RASGRP2: variants seen among roughly 807,000 people sequenced by gnomAD.
RASGRP2 encodes RAS guanyl-releasing protein 2.
RASGRP2 carries 44 observed loss-of-function variants against 71.0 expected under a neutral mutation model. That is an observed-to-expected ratio of 0.62 (90% CI 0.49 to 0.80). The LOEUF (loss-of-function observed/expected upper bound fraction) is 0.80. Among genes scored for constraint, RASGRP2 ranks in the 30% least tolerant of loss-of-function variants. The pLI is 0.00. For synonymous variants in RASGRP2, 350 were observed against 330.7 expected (o/e 1.06, Z -0.63); for missense variants, 663 against 813.4 (o/e 0.82, Z 2.25).
At chr11:64,745,099 G>A (rs2058262429), upstream of RASGRP2, 1 of 151,936 alleles carries the variant, frequency 6.6e-6, no homozygotes, top group Admixed American at 6.5e-5. Context: ...CCCGCCGCCC[G>A]GGACGCGGAG....
chr11:64,744,390 T>C, upstream of RASGRP2: 3 of 897,962 alleles, frequency 3.3e-6, no homozygotes, highest in Non-Finnish European at 4.0e-6. Context: ...GGACTTTTCC[T>C]AAGAGCCACC....
At chr11:64,730,222 C>T in intron 12 of RASGRP2, 28 bp from the exon 13 acceptor site, 1 of 1,551,436 alleles carries the variant, frequency 6.4e-7, no homozygotes, top group Non-Finnish European at 8.7e-7. Context: ...GGCGCTTCAG[C>T]TCGGGCCCTC....
rs956333489 is a variant in RASGRP2 at position 64,741,168 on chromosome 11, A to G, written c.240-89T>C. 3.3e-6 allele frequency: 5 copies of G among 1,500,328 alleles called. No homozygotes were observed. The African/African-American group carries it at 6.9e-5, about 21-fold the overall frequency. 92.9% of individuals were successfully genotyped at this position (1,500,328 alleles called of 1,614,324 possible). The stretch of plus-strand genomic sequence containing the variant: ...AGCTATTTGAGATTATAGTCACCTA[A>G]GCAAAAAGACCCTCAAACTATGGTT... On this transcript the variant is annotated intron_variant, in intron 4 of 16. Coordinates refer to ENST00000394432, the MANE Select transcript of RASGRP2 (RefSeq NM_001098671.2).
Position 64,735,401 on chromosome 11 carries a change from C to T in RASGRP2, c.1296+141G>A, listed in dbSNP as rs750349320. 5.3e-6 allele frequency: 8 copies of T among 1,500,318 alleles called. No homozygotes were observed. The East Asian group carries it at 9.0e-5, about 17-fold the overall frequency. 92.9% of individuals were successfully genotyped at this position (1,500,318 alleles called of 1,614,324 possible). On this transcript the variant is annotated intron_variant, in intron 11 of 16. Transcript: ENST00000394432. The surrounding 1 kb of genome is among the most constrained non-coding windows in gnomAD (Gnocchi z 4.2). ...ACCCTACCCAGGGGCACTTCAGCCC[C>T]GTGCAGCTGGCCTGCCAGGCCCTGT...
At position 64,730,127 on chromosome 11, in the gene RASGRP2, G is replaced by T; in HGVS notation, c.1480C>A (p.Arg494Ser). ...FLRSSSVLGG[R>S]MGFVHNFQES... ...TGGAAGTTGTGTACGAAGCCCATGC[G>T]CCCCCCCAACACAGAGCTGGAGCGC... is the stretch of plus-strand genomic sequence containing the variant. Residue 494 changes from arginine (R) to serine (S), a missense_variant, in exon 13 of 17, where the codon CGC (arginine) becomes AGC (serine). Coordinates refer to ENST00000394432, the MANE Select transcript of RASGRP2 (RefSeq NM_001098671.2). 1 of 1,550,992 alleles carries T rather than the reference G, an allele frequency of 6.4e-7. No homozygotes were observed. The highest frequency in any genetic ancestry group is 8.7e-7 in the Non-Finnish European group (1 of 1,146,968).
Position 64,742,180 on chromosome 11 carries a change from C to A in RASGRP2, c.74-68G>T. The A allele has an allele frequency of 8.0e-7, 1 of 1,245,788 alleles. No individual in the cohort carries two copies. The highest frequency in any genetic ancestry group is 1.2e-6 in the Non-Finnish European group (1 of 868,998). The allele number at this position is 1,245,788 out of a possible 1,614,324, so 77.2% of individuals were successfully genotyped here. A position where few individuals can be genotyped will look rare whatever the true frequency, so the allele number is the denominator to read the frequency against. ...CAGCTACCATGCCTCATCCTCACCC[C>A]GCAACCCGCCAGGTATCGGTCCTTC... On this transcript the variant is annotated intron_variant, in intron 2 of 16. Transcript: ENST00000394432. The surrounding 1 kb of genome is among the most constrained non-coding windows in gnomAD (Gnocchi z 4.7).
chr11:64,743,162 G>GC lies in RASGRP2; in HGVS notation c.-71-226dup, dbSNP rs1565523807. 1.6e-6 allele frequency: 1 copy of GC among 616,798 alleles called. No individual in the cohort carries two copies. Among genetic ancestry groups the GC allele is most frequent in the Non-Finnish European group, 3.0e-6 (1 of 331,214 alleles). The allele number at this position is 616,798 out of a possible 1,614,324, so 38.2% of individuals were successfully genotyped here. On this transcript the variant is annotated intron_variant, in intron 1 of 16. Transcript: ENST00000394432. The surrounding 1 kb of genome is among the most constrained non-coding windows in gnomAD (Gnocchi z 4.9). ...GGCCCACCCTCGGAGTCGCGGGAAG[G>GC]CCGAGGGGCTTCACGAGGATGGGGA...
chr11:64,740,724 C>T (rs1334946588), intron 5 of RASGRP2: 2 of 682,124 alleles, frequency 2.9e-6, no homozygotes, highest in African/African-American at 1.8e-5. Flanking sequence ...CGACCCAGCG[C>T]AGCTACAGGA....
intron 14 of RASGRP2, among the ~76,000 whole-genome samples, chr11:64,729,525 CG>C (rs1448843947): frequency 1.9e-4 from 29 of 151,880 alleles, no homozygotes; most frequent in Admixed American, 1.8e-3. Context: ...TTAGTAGAGG[CG>C]GGGTTGCGCT....
intron 16 of RASGRP2, 76 bp downstream of exon 16, chr11:64,727,220 C>G (rs1330136120): frequency 4.4e-6 from 6 of 1,349,038 alleles, no homozygotes; most frequent in African/African-American, 1.4e-5. Flanking sequence ...GGATAAAGCA[C>G]CCATTTCCCT....
In RASGRP2 at chr11:64,727,249, C is replaced by T. The variant is rs780958060; in HGVS notation, c.*6+47G>A. 4.2e-5 allele frequency: 65 copies of T among 1,545,974 alleles called. No homozygotes were observed. In the African/African-American group the frequency reaches 7.1e-4, roughly 17 times the overall value. ...TTTCCCTGATACTCCCCAGCTCCCC[C>T]CCAGCCCTCAGTGGGGAGCTCTGGT... On this transcript the variant is annotated intron_variant, in intron 16 of 16. Coordinates refer to ENST00000394432, the MANE Select transcript of RASGRP2 (RefSeq NM_001098671.2).
chr11:64,729,990 G>A, intron 13 of RASGRP2, 63 bp downstream of exon 13: 3 of 1,532,322 alleles, frequency 2.0e-6, no homozygotes, highest in Non-Finnish European at 2.6e-6. Context: ...GGGCCAGAAG[G>A]GAGGGCGGGG....
At position 64,735,206 on chromosome 11, in the gene RASGRP2, C is replaced by T. The variant is rs757489122; in HGVS notation, c.1318G>A (p.Val440Ile). The T allele has an allele frequency of 6.2e-6, 10 of 1,614,044 alleles. No individual in the cohort carries two copies. In the South Asian group the frequency reaches 6.6e-5, roughly 11 times the overall value. ...TGTGAGATGTGGCCATCCCCATCGA[C>T]GTCAAAGTTCCGGAACACAGACTGG... Reference protein sequence around the residue: ...MVESVFRNFDVDGDGHISQEE... With the variant: ...MVESVFRNFDIDGDGHISQEE... The change falls in exon 12 of 17, where the codon GTC (valine) becomes ATC (isoleucine). Residue 440 changes from valine to isoleucine, a missense_variant. Physicochemically the swap from Val to Ile is conservative, Grantham distance 29. Transcript: ENST00000394432. The surrounding 1 kb of genome is among the most constrained non-coding windows in gnomAD (Gnocchi z 4.2).
In RASGRP2 at chr11:64,743,978, C is replaced by A; in HGVS notation, c.-72+25G>T. ...CACCCACACCCTGTGCACACCTGCA[C>A]GAAGAAACCCTCAGGCACACATACC... On this transcript the variant is annotated intron_variant, in intron 1 of 16. Transcript: ENST00000394432. The surrounding 1 kb of genome is among the most constrained non-coding windows in gnomAD (Gnocchi z 4.9). 1.0e-6 allele frequency: 1 copy of A among 989,248 alleles called. No individual in the cohort carries two copies. Among genetic ancestry groups the A allele is most frequent in the Non-Finnish European group, 1.2e-6 (1 of 831,418 alleles). 61.3% of individuals were successfully genotyped at this position (989,248 alleles called of 1,614,324 possible).
chr11:64,732,529 C>T lies in RASGRP2; in HGVS notation c.1413-2335G>A, dbSNP rs1225527290. 2.0e-5 allele frequency among the ~76,000 whole-genome samples: 3 copies of T among 152,226 alleles called. No homozygotes were observed. The South Asian group carries it at 6.2e-4, about 31-fold the overall frequency. ...CAAAATTAGGCTGGGTGAGGTGGCT[C>T]ACGCCTGTAATCCCAGCACTTTGGG... On this transcript the variant is annotated intron_variant, in intron 12 of 16. Transcript: ENST00000394432.
At chr11:64,734,883 C>T (rs890375648) in intron 12 of RASGRP2, among the ~76,000 whole-genome samples, 1 of 152,202 alleles carries the variant, frequency 6.6e-6, no homozygotes, top group East Asian at 1.9e-4. Context: ...ACAGTCTTTG[C>T]AAGACTCAGG....
intron 9 of RASGRP2, 76 bp downstream of exon 9, chr11:64,736,677 C>G: frequency 6.7e-7 from 1 of 1,483,228 alleles, no homozygotes; most frequent in Non-Finnish European, 9.1e-7. Context: ...CCCCAGGCCA[C>G]GCCCACAGCC....
chr11:64,733,061 G>A (rs2057812764), intron 12 of RASGRP2, among the ~76,000 whole-genome samples: 1 of 150,954 alleles, frequency 6.6e-6, no homozygotes, highest in Non-Finnish European at 1.5e-5. Flanking sequence ...GGAGGCAGAG[G>A]TTGCAGTGAG....
At position 64,742,425 on chromosome 11, in the gene RASGRP2, G is replaced by T. The variant is rs1360880248; in HGVS notation, c.74-313C>A. The T allele has an allele frequency of 3.6e-6, 2 of 562,078 alleles. No homozygotes were observed. Among genetic ancestry groups the T allele is most frequent in the Non-Finnish European group, 6.4e-6 (2 of 312,528 alleles). The allele number at this position is 562,078 out of a possible 1,614,324, so 34.8% of individuals were successfully genotyped here. On this transcript the variant is annotated intron_variant, in intron 2 of 16. Transcript: ENST00000394432. This position sits in a 1 kb window ranked among gnomAD's most constrained non-coding sequence, Gnocchi z 4.7. Reference sequence around the variant, plus strand: ...TCCAGAGGTCATTTCCTGAGCGCTTGGGGGGAAGGGGCACCCCTTCACCAG... The same window carrying T: ...TCCAGAGGTCATTTCCTGAGCGCTTTGGGGGAAGGGGCACCCCTTCACCAG...
Sources: allele counts gnomAD v4.1 joint callset (sites outside exome capture counted in the v4.1 genomes callset), GRCh38; gene constraint gnomAD v4.1.1; non-coding constraint Gnocchi (gnomAD v3.1); transcripts MANE v1.5; gene names NCBI Gene and HGNC (gene_info 2026-07-23, HGNC 2026-07-21).